The following GALNT13 variants were observed in gnomAD, a reference collection of about 807,000 sequenced individuals.
GALNT13 encodes the protein UDP-GalNAc:polypeptide N-acetylgalactosaminyltransferase 13.
GALNT13 carries 28 observed loss-of-function variants against 64.2 expected under a neutral mutation model. The observed-to-expected ratio is 0.44, with a 90% CI of 0.32 to 0.60. The LOEUF (loss-of-function observed/expected upper bound fraction) is 0.60. Among genes scored for constraint, GALNT13 ranks in the 20% least tolerant of loss-of-function variants. The probability of loss-of-function intolerance (pLI) is 0.05; values close to 1 mark genes in which losing one functional copy is unlikely to be tolerated. For missense variants in GALNT13, 577 were observed against 669.8 expected (o/e 0.86, Z 1.53); for synonymous variants, 214 against 224.6 (o/e 0.95, Z 0.42).
At chr2:153,306,184 C>G in the GALNT13 span, among the ~76,000 whole-genome samples, 1 of 152,198 alleles carries the variant, frequency 6.6e-6, no homozygotes, top group African/African-American at 2.4e-5. Flanking sequence ...GCCCACTCCC[C>G]AGCAAACACT....
At chr2:154,074,151 A>G (rs1415295507) in intron 3 of GALNT13, among the ~76,000 whole-genome samples, 2 of 151,928 alleles carry the variant, frequency 1.3e-5, no homozygotes, top group Non-Finnish European at 2.9e-5. Flanking sequence ...ATAGGCCTTA[A>G]TCATTTTTAA....
chr2:153,190,925 G>T, the GALNT13 span, among the ~76,000 whole-genome samples: 1 of 151,896 alleles, frequency 6.6e-6, no homozygotes, highest in Non-Finnish European at 1.5e-5. Context: ...TGTTGATTTT[G>T]TATCTGAAAC....
At chr2:154,018,004 G>A (rs1030643149) in intron 3 of GALNT13, among the ~76,000 whole-genome samples, 3 of 152,034 alleles carry the variant, frequency 2.0e-5, no homozygotes, top group Admixed American at 2.0e-4. Context: ...CCAAAAGTTT[G>A]TTGCTTTATA....
chr2:153,653,480 C>T, the GALNT13 span, among the ~76,000 whole-genome samples: 5 of 152,030 alleles, frequency 3.3e-5, no homozygotes, highest in South Asian at 2.1e-4. Context: ...GAAAAGGAAT[C>T]GTATTTTTTA....
At chr2:154,375,346 T>TA (rs1697926133) in intron 9 of GALNT13, among the ~76,000 whole-genome samples, 1 of 152,008 alleles carries the variant, frequency 6.6e-6, no homozygotes, top group Non-Finnish European at 1.5e-5. Flanking sequence ...GATAAAAAGA[T>TA]AGAGCTATAC....
chr2:154,065,469 G>A (rs1700411100), intron 3 of GALNT13, among the ~76,000 whole-genome samples: 1 of 152,164 alleles, frequency 6.6e-6, no homozygotes, highest in Non-Finnish European at 1.5e-5. Context: ...TACATTGCCA[G>A]TGGTGGTACC....
At chr2:153,722,531 A>C in the GALNT13 span, among the ~76,000 whole-genome samples, 3 of 149,938 alleles carry the variant, frequency 2.0e-5, no homozygotes, top group Admixed American at 6.6e-5. Context: ...TGGTTTTTTG[A>C]AAGGATCAAC....
At chr2:154,343,863 G>T (rs1695911902) in intron 9 of GALNT13, among the ~76,000 whole-genome samples, 1 of 152,036 alleles carries the variant, frequency 6.6e-6, no homozygotes, top group Non-Finnish European at 1.5e-5. Flanking sequence ...GAAGATAGCT[G>T]CTCTGACTGT....
chr2:153,358,366 T>C, the GALNT13 span, among the ~76,000 whole-genome samples: 2 of 152,136 alleles, frequency 1.3e-5, no homozygotes, highest in Non-Finnish European at 2.9e-5. Context: ...AGAACCAAAA[T>C]TATCACTCCA....
intron 11 of GALNT13, among the ~76,000 whole-genome samples, chr2:154,419,702 G>C (rs1450562065): frequency 3.3e-5 from 5 of 152,038 alleles, no homozygotes; most frequent in Admixed American, 1.3e-4. Flanking sequence ...TAAAAGTTCA[G>C]ATATTCCTGG....
At chr2:153,669,883 C>T in the GALNT13 span, among the ~76,000 whole-genome samples, 61 of 150,794 alleles carry the variant, frequency 4.0e-4, no homozygotes, top group African/African-American at 1.0e-3. Context: ...GTGCCTGGCT[C>T]GGCAGGTCCC....
chr2:153,135,430 C>T, the GALNT13 span, among the ~76,000 whole-genome samples: 5 of 152,204 alleles, frequency 3.3e-5, no homozygotes, highest in East Asian at 7.8e-4. Context: ...GTCTTAGTTT[C>T]TGCTTTCATT....
chr2:154,032,367 A>C (rs2105308593), intron 3 of GALNT13, among the ~76,000 whole-genome samples: 1 of 152,118 alleles, frequency 6.6e-6, no homozygotes, highest in Non-Finnish European at 1.5e-5. Flanking sequence ...GAAAAAAATA[A>C]TATAAATTCT....
intron 3 of GALNT13, among the ~76,000 whole-genome samples, chr2:154,134,491 A>G (rs1682836037): frequency 2.0e-5 from 3 of 152,210 alleles, no homozygotes; most frequent in African/African-American, 7.2e-5. Flanking sequence ...AAATTTACAA[A>G]GATGTATACA....
At chr2:153,883,850 A>G (rs1686953015) in intron 1 of GALNT13, among the ~76,000 whole-genome samples, 1 of 152,174 alleles carries the variant, frequency 6.6e-6, no homozygotes, top group Non-Finnish European at 1.5e-5. Context: ...TAATATTTTT[A>G]TATTAAATAT....
chr2:153,410,809 A>G, the GALNT13 span, among the ~76,000 whole-genome samples: 1 of 152,022 alleles, frequency 6.6e-6, no homozygotes, highest in African/African-American at 2.4e-5. Context: ...AGCACTAGAG[A>G]TAGTCTGAAT....
the GALNT13 span, among the ~76,000 whole-genome samples, chr2:153,236,871 T>C: frequency 6.6e-6 from 1 of 152,084 alleles, no homozygotes. Context: ...ATAATTCCTC[T>C]GATGTACCTG....
chr2:154,027,959 GC>G (rs1366124475), intron 3 of GALNT13, among the ~76,000 whole-genome samples: 1 of 151,956 alleles, frequency 6.6e-6, no homozygotes, highest in Non-Finnish European at 1.5e-5. Context: ...TTATATACTC[GC>G]TTTTTTGGTA....
chr2:153,645,450 G>A, the GALNT13 span, among the ~76,000 whole-genome samples: 2 of 151,846 alleles, frequency 1.3e-5, no homozygotes, highest in East Asian at 3.9e-4. Context: ...ATTTTTTCCA[G>A]TTCTGACAAA....
Sources: gnomAD v4.1 joint callset for allele counts (sites outside exome capture counted in the v4.1 genomes callset) on GRCh38, gnomAD v4.1.1 for gene constraint, MANE v1.5 for transcripts, NCBI Gene and HGNC (gene_info 2026-07-23, HGNC 2026-07-21) for gene names.